SIM1: variants seen among roughly 807,000 people sequenced by gnomAD.
The protein encoded by SIM1 is SIM bHLH transcription factor 1.
SIM1 carries 18 observed loss-of-function variants against 78.2 expected under a neutral mutation model. The observed-to-expected ratio is 0.23, with a 90% CI of 0.16 to 0.34. The LOEUF is 0.34. Among genes scored for constraint, SIM1 ranks in the 10% least tolerant of loss-of-function variants. The pLI is 1.00. For synonymous variants in SIM1, 417 were observed against 385.2 expected (o/e 1.08, Z -0.97); for missense variants, 939 against 975.1 (o/e 0.96, Z 0.49).
chr6:100,418,702 C>T (rs1175503182), intron 10 of SIM1, among the ~76,000 whole-genome samples: 1 of 152,094 alleles, frequency 6.6e-6, no homozygotes, highest in Non-Finnish European at 1.5e-5. Context: ...CTTAGTACCT[C>T]CTAATTTAAA....
chr6:100,428,499 C>T (rs1771795163), intron 9 of SIM1, among the ~76,000 whole-genome samples: 2 of 151,962 alleles, frequency 1.3e-5, no homozygotes, highest in South Asian at 2.1e-4. Flanking sequence ...CTAACGGGTG[C>T]CTTTTTTGCT....
intron 9 of SIM1, among the ~76,000 whole-genome samples, chr6:100,426,120 AT>A (rs532717168): frequency 6.6e-6 from 1 of 152,236 alleles, no homozygotes; most frequent in South Asian, 2.1e-4. Context: ...GAAAAGTTAC[AT>A]TTTTTTCTCC....
At chr6:100,446,269 C>T (rs1486158640) in intron 9 of SIM1, among the ~76,000 whole-genome samples, 2 of 152,172 alleles carry the variant, frequency 1.3e-5, no homozygotes, top group Non-Finnish European at 2.9e-5. Flanking sequence ...ATAGTATAGT[C>T]TGATTCCAAA....
At chr6:100,457,207 G>C (rs917427938) in intron 2 of SIM1, among the ~76,000 whole-genome samples, 1 of 152,224 alleles carries the variant, frequency 6.6e-6, no homozygotes, top group Admixed American at 6.5e-5. Flanking sequence ...CGTGTGTTCT[G>C]TTCTTTTAAA....
At position 100,385,147 on chromosome 6, in the gene SIM1, A is replaced by AT. The variant is rs1254377288; in HGVS notation, c.*5213dup. The AT allele has an allele frequency of 6.6e-6, 1 of 152,054 alleles. No individual in the cohort carries two copies. The highest frequency in any genetic ancestry group is 1.5e-5 in the Non-Finnish European group (1 of 67,946). The allele number at this position is 152,054 out of a possible 1,614,324, so 9.4% of individuals were successfully genotyped here. ...ATTATAAATGGGAACACTTTGCAAGATATCATTGACATAGCTAATATTTTC... is the reference window on the plus strand; with the variant it reads ...ATTATAAATGGGAACACTTTGCAAGATTATCATTGACATAGCTAATATTTTC... On this transcript the variant is annotated 3_prime_UTR_variant, in exon 12 of 12. Transcript: ENST00000369208.
chr6:100,428,545 C>T (rs904952468), intron 9 of SIM1, among the ~76,000 whole-genome samples: 3 of 151,844 alleles, frequency 2.0e-5, no homozygotes, highest in Non-Finnish European at 4.4e-5. Context: ...GACAATAAAT[C>T]CAAATGAAGA....
At chr6:100,448,707 C>A in intron 6 of SIM1, 29 bp from the exon 7 acceptor site, 2 of 1,593,358 alleles carry the variant, frequency 1.3e-6, no homozygotes, top group South Asian at 1.1e-5. Flanking sequence ...GAGGGAGACT[C>A]AGCCACAGGT....
chr6:100,419,934 C>A (rs1265647000), intron 10 of SIM1, among the ~76,000 whole-genome samples: 1 of 152,144 alleles, frequency 6.6e-6, no homozygotes, highest in Non-Finnish European at 1.5e-5. Context: ...AGTCACCGTG[C>A]CCAGCCTCCA....
At chr6:100,437,756 G>A (rs1367922324) in intron 9 of SIM1, among the ~76,000 whole-genome samples, 1 of 152,170 alleles carries the variant, frequency 6.6e-6, no homozygotes, top group Non-Finnish European at 1.5e-5. Context: ...TGACAACAGT[G>A]AAAAATAGAG....
chr6:100,415,540 C>T (rs972652555), intron 10 of SIM1, among the ~76,000 whole-genome samples: 17 of 152,092 alleles, frequency 1.1e-4, no homozygotes, highest in African/African-American at 4.1e-4. Context: ...TTATTTTGAC[C>T]TCTCCTGTCC....
intron 9 of SIM1, among the ~76,000 whole-genome samples, chr6:100,440,273 C>T (rs1772174317): frequency 6.6e-6 from 1 of 152,180 alleles, no homozygotes; most frequent in African/African-American, 2.4e-5. Context: ...GTAGAGTGAT[C>T]TGCTCAAGGC....
intron 10 of SIM1, among the ~76,000 whole-genome samples, chr6:100,412,097 C>A (rs1771205193): frequency 6.6e-6 from 1 of 152,066 alleles, no homozygotes. Flanking sequence ...GGTCTCTGAT[C>A]ATGGTCTGGG....
Position 100,390,829 on chromosome 6 carries a change from C to A in SIM1, c.1833G>T (p.Gln611His). Reference protein sequence around the residue: ...KHSLCFANYQQPPPTGEVCHG... With the variant: ...KHSLCFANYQHPPPTGEVCHG... ...GGCAGACTTCACCTGTTGGTGGGGG[C>A]TGTTGGTAGTTTGCAAAACACAGGG... The change falls in exon 12 of 12, where the codon CAG (glutamine) becomes CAT (histidine). Residue 611 changes from glutamine to histidine, a missense_variant. Gln to His is a conservative substitution (Grantham distance 24). Coordinates refer to ENST00000369208, the MANE Select transcript of SIM1 (RefSeq NM_005068.3). The A allele has an allele frequency of 6.2e-7, 1 of 1,614,170 alleles. No individual in the cohort carries two copies. The highest frequency in any genetic ancestry group is 8.5e-7 in the Non-Finnish European group (1 of 1,180,028).
At position 100,448,738 on chromosome 6, in the gene SIM1, G is replaced by A. The variant is rs7766553; in HGVS notation, c.544-60C>T. On this transcript the variant is annotated intron_variant, in intron 6 of 11. Transcript: ENST00000369208. ...CAGGTAGGAAGAGCCCCCAAAAGGT[G>A]GAGAAGGGGTTGAAACATGTTGAAA... is the stretch of plus-strand genomic sequence containing the variant. 14,349 of 1,485,006 alleles carry A rather than the reference G, an allele frequency of 9.7e-3. 1,012 individuals carry two copies. The African/African-American group carries it at 0.16, about 17-fold the overall frequency. The allele number at this position is 1,485,006 out of a possible 1,614,324, so 92.0% of individuals were successfully genotyped here.
intron 9 of SIM1, among the ~76,000 whole-genome samples, chr6:100,425,038 AC>A (rs1309745487): frequency 6.6e-6 from 1 of 151,990 alleles, no homozygotes; most frequent in Non-Finnish European, 1.5e-5. Flanking sequence ...TGTGGGAGGG[AC>A]CCAGGGGGAG....
rs1242130311 is a variant in SIM1 at position 100,388,243 on chromosome 6, T to C, written c.*2118A>G. On this transcript the variant is annotated 3_prime_UTR_variant, in exon 12 of 12. Transcript: ENST00000369208. The stretch of plus-strand genomic sequence containing the variant: ...ACCCCCATATAATCAAATTCTCACA[T>C]ACTCAAGTCCTGCCTGTTGGCCCTG... The C allele has an allele frequency of 6.6e-6, 1 of 152,214 alleles. No individual in the cohort carries two copies. Among genetic ancestry groups the C allele is most frequent in the Non-Finnish European group, 1.5e-5 (1 of 68,024 alleles). The allele number at this position is 152,214 out of a possible 1,614,324, so 9.4% of individuals were successfully genotyped here.
At chr6:100,421,157 A>G (rs1489721661) in intron 9 of SIM1, among the ~76,000 whole-genome samples, 199 bp from the exon 10 acceptor site, 1 of 151,850 alleles carries the variant, frequency 6.6e-6, no homozygotes. Flanking sequence ...TGTATTTTTC[A>G]TTTTTTTTCG....
At chr6:100,448,303 C>T (rs762303691) in intron 7 of SIM1, 51 bp from the exon 8 acceptor site, 3 of 1,473,352 alleles carry the variant, frequency 2.0e-6, no homozygotes, top group Non-Finnish European at 2.8e-6. Context: ...TGCAGGGATG[C>T]CCTCCCCACA....
chr6:100,413,972 T>G (rs1303706667), intron 10 of SIM1, among the ~76,000 whole-genome samples: 1 of 152,210 alleles, frequency 6.6e-6, no homozygotes, highest in Non-Finnish European at 1.5e-5. Flanking sequence ...AGATTGTGTG[T>G]CCTTCATAGC....
Sources: gnomAD v4.1 joint callset for allele counts (sites outside exome capture counted in the v4.1 genomes callset) on GRCh38, gnomAD v4.1.1 for gene constraint, MANE v1.5 for transcripts, NCBI Gene and HGNC (gene_info 2026-07-23, HGNC 2026-07-21) for gene names.